TRPM2: variants seen among roughly 807,000 people sequenced by gnomAD.
The protein encoded by TRPM2 is transient receptor potential cation channel subfamily M member 2, also known as estrogen-responsive element-associated gene 1 protein.
TRPM2 carries 161 observed loss-of-function variants against 174.0 expected under a neutral mutation model. That is an observed-to-expected ratio of 0.93 (90% CI 0.81 to 1.05). The LOEUF is 1.05. Among genes scored for constraint, TRPM2 ranks in the 50% least tolerant of loss-of-function variants. The pLI, the probability that TRPM2 is intolerant of heterozygous loss-of-function variation, is 0.00. For missense variants in TRPM2, 2,057 were observed against 2,038.0 expected (o/e 1.01, Z -0.18); for synonymous variants, 954 against 861.3 (o/e 1.11, Z -1.88).
chr21:44,434,910 C>G (rs978522374), intron 27 of TRPM2, among the ~76,000 whole-genome samples: 1 of 152,140 alleles, frequency 6.6e-6, no homozygotes, highest in Admixed American at 6.5e-5. Context: ...ACCCTTCCCC[C>G]ACCAGGTGAC....
Position 44,413,930 on chromosome 21 carries a change from C to T in TRPM2, c.3002C>T (p.Thr1001Ile), listed in dbSNP as rs143286660. The T allele has an allele frequency of 1.2e-6, 2 of 1,613,878 alleles. No individual in the cohort carries two copies. Among genetic ancestry groups the T allele is most frequent in the African/African-American group, 2.7e-5 (2 of 74,944 alleles). Residue 1001 changes from threonine to isoleucine, a missense_variant, in exon 20 of 32, where the codon ACC becomes ATC. Coordinates refer to ENST00000397928, the MANE Select transcript of TRPM2 (RefSeq NM_003307.4). ...FNPEHCSPNG[T>I]DPYKPKCPES... ...CCGGAGCACTGCAGCCCCAATGGCA[C>T]CGACCCCTACAAGCCTAAGTGCCCC... is the stretch of plus-strand genomic sequence containing the variant.
intron 9 of TRPM2, among the ~76,000 whole-genome samples, chr21:44,390,681 C>T (rs543864847): frequency 2.6e-5 from 4 of 152,236 alleles, no homozygotes; most frequent in South Asian, 4.1e-4. Context: ...AGTGAGTGGA[C>T]GTGATGACCA....
At chr21:44,426,329 C>T (rs1278184301) in intron 25 of TRPM2, among the ~76,000 whole-genome samples, 1 of 152,200 alleles carries the variant, frequency 6.6e-6, no homozygotes, top group African/African-American at 2.4e-5. Flanking sequence ...TCCGCTGCCT[C>T]CCCTTGGTCT....
intron 17 of TRPM2, 64 bp downstream of exon 17, chr21:44,405,324 A>C (rs1601169765): frequency 2.6e-5 from 41 of 1,597,024 alleles, no homozygotes; most frequent in Non-Finnish European, 3.3e-5. Context: ...GGATGAGCAC[A>C]GGCCGGGCCC....
At chr21:44,400,854 T>TC (rs1466394520) in intron 15 of TRPM2, among the ~76,000 whole-genome samples, 1 of 152,166 alleles carries the variant, frequency 6.6e-6, no homozygotes, top group Non-Finnish European at 1.5e-5. Flanking sequence ...TGGCCTGGTG[T>TC]CCCCACCTGC....
At chr21:44,426,043 C>G (rs924726652) in intron 25 of TRPM2, among the ~76,000 whole-genome samples, 1 of 152,170 alleles carries the variant, frequency 6.6e-6, no homozygotes, top group African/African-American at 2.4e-5. Flanking sequence ...GGTGGAGGGG[C>G]CTGAGGGGGG....
At chr21:44,423,430 G>C (rs2050622921) in intron 22 of TRPM2, 1 of 541,138 alleles carries the variant, frequency 1.8e-6, no homozygotes, top group South Asian at 2.0e-5. Flanking sequence ...GTGAGCCTCG[G>C]CTGTCCGTCT....
At chr21:44,397,609 T>C in intron 12 of TRPM2, 138 bp from the exon 13 acceptor site, 1 of 906,080 alleles carries the variant, frequency 1.1e-6, no homozygotes. Context: ...TCTGTATAGA[T>C]GTGGTCACAC....
At position 44,369,273 on chromosome 21, in the gene TRPM2, G is replaced by A. The variant is rs73374078; in HGVS notation, c.701G>A (p.Gly234Asp). The A allele has an allele frequency of 1.9e-6, 3 of 1,613,716 alleles. No homozygotes were observed. Among genetic ancestry groups the A allele is most frequent in the Non-Finnish European group, 2.5e-6 (3 of 1,179,938 alleles). The change falls in exon 5 of 32, where the codon GGC (glycine) becomes GAC (aspartate). Residue 234 changes from glycine to aspartate, a missense_variant. Physicochemically the swap from Gly to Asp is moderately conservative, Grantham distance 94. Coordinates refer to ENST00000397928, the MANE Select transcript of TRPM2 (RefSeq NM_003307.4). ...DFSLSSSYKE[G>D]ELITIGVATW... is the part of the protein sequence containing the mutation. ...AGCCTGAGCAGCAGCTACAAGGAAG[G>A]CGAGCTCATCACCATCGGAGTCGCC... is the stretch of plus-strand genomic sequence containing the variant.
chr21:44,423,907 A>G (rs1200737466), intron 23 of TRPM2, among the ~76,000 whole-genome samples, 175 bp downstream of exon 23: 1 of 151,976 alleles, frequency 6.6e-6, no homozygotes, highest in East Asian at 1.9e-4. Flanking sequence ...CCTCCAGAAA[A>G]CCCCGCCCAA....
chr21:44,405,999 A>G lies in TRPM2; in HGVS notation c.2752A>G (p.Lys918Glu). The change falls in exon 18 of 32, where the codon AAG becomes GAG. Residue 918 changes from lysine (K) to glutamate (E), a missense_variant. Coordinates refer to ENST00000397928, the MANE Select transcript of TRPM2 (RefSeq NM_003307.4). ...GCTCATGCACATTTTTACCATCAGTAAGACGCTGGGGCCCAAGATCATCAT... is the reference window on the plus strand; with the variant it reads ...GCTCATGCACATTTTTACCATCAGTGAGACGCTGGGGCCCAAGATCATCAT... ...LRLMHIFTIS[K>E]TLGPKIIIVK... 6.2e-7 allele frequency: 1 copy of G among 1,608,600 alleles called. No individual in the cohort carries two copies. The highest frequency in any genetic ancestry group is 8.5e-7 in the Non-Finnish European group (1 of 1,179,742).
chr21:44,423,857 T>C (rs541752280), intron 23 of TRPM2, 125 bp downstream of exon 23: 1 of 826,340 alleles, frequency 1.2e-6, no homozygotes, highest in East Asian at 2.7e-5. Flanking sequence ...GCCGGAACGT[T>C]GGGGCAGCCA....
In TRPM2 at chr21:44,399,434, G is replaced by A. The variant is rs1386310443; in HGVS notation, c.2201G>A (p.Gly734Asp). ...AKDMKFVSHG[G>D]IQAFLTKVWW... ...GACATGAAGTTTGTGTCTCACGGGG[G>A]CATCCAGGTGACCTCCCAAGAGCCC... The change falls in exon 14 of 32, where the codon GGC becomes GAC. Residue 734 changes from glycine (G) to aspartate (D), a missense_variant. Gly to Asp is a moderately conservative substitution (Grantham distance 94, BLOSUM62 -1). Transcript: ENST00000397928. The surrounding 1 kb of genome is among the most constrained non-coding windows in gnomAD (Gnocchi z 4.6). The A allele has an allele frequency of 8.7e-6, 14 of 1,610,828 alleles. No individual in the cohort carries two copies. Among genetic ancestry groups the A allele is most frequent in the African/African-American group, 5.3e-5 (4 of 74,878 alleles).
At chr21:44,404,219 A>G (rs1027338352) in intron 16 of TRPM2, among the ~76,000 whole-genome samples, 14 of 152,106 alleles carry the variant, frequency 9.2e-5, no homozygotes, top group African/African-American at 3.1e-4. Context: ...AGAGACACAC[A>G]GATACACATA....
At chr21:44,422,296 G>A (rs2146364112) in intron 22 of TRPM2, 1 of 1,536,138 alleles carries the variant, frequency 6.5e-7, no homozygotes, top group East Asian at 2.4e-5. Context: ...TGGGGGTCAA[G>A]GACAAGCTCT....
Position 44,376,679 on chromosome 21 carries a change from C to T in TRPM2, c.952+666C>T, listed in dbSNP as rs1317772200. The stretch of plus-strand genomic sequence containing the variant: ...GATGGGTTTGAGGACGTCGGGAGGT[C>T]AAGTGCGGGGTTTTGCATATCACTT... On this transcript the variant is annotated intron_variant, in intron 6 of 31. Coordinates refer to ENST00000397928, the MANE Select transcript of TRPM2 (RefSeq NM_003307.4). The surrounding 1 kb of genome is among the most constrained non-coding windows in gnomAD (Gnocchi z 4.2). Among the ~76,000 whole-genome samples, 1 of 152,144 alleles carries T rather than the reference C, an allele frequency of 6.6e-6. No homozygotes were observed. Among genetic ancestry groups the T allele is most frequent in the African/African-American group, 2.4e-5 (1 of 41,444 alleles).
Position 44,399,474 on chromosome 21 carries a change from C to T in TRPM2, c.2208+33C>T, listed in dbSNP as rs373367842. ...CCCAAGAGCCCCTTCCAGAAACAGA[C>T]GCCTGTGGTGCCTGCAGGGCGGACA... On this transcript the variant is annotated intron_variant, in intron 14 of 31. Transcript: ENST00000397928. The surrounding 1 kb of genome is among the most constrained non-coding windows in gnomAD (Gnocchi z 4.6). 6.6e-5 allele frequency: 105 copies of T among 1,595,894 alleles called. 1 individual carries two copies. Among genetic ancestry groups the T allele is most frequent in the Non-Finnish European group, 7.5e-5 (88 of 1,170,726 alleles).
intron 5 of TRPM2, among the ~76,000 whole-genome samples, chr21:44,373,569 G>A (rs1311820007): frequency 9.6e-6 from 1 of 104,268 alleles, no homozygotes; most frequent in Non-Finnish European, 2.2e-5. Flanking sequence ...CATTATATGC[G>A]ACCTGCATTA....
intron 12 of TRPM2, among the ~76,000 whole-genome samples, chr21:44,395,771 G>C: frequency 1.9e-4 from 1 of 5,134 alleles, no homozygotes; most frequent in Non-Finnish European, 5.3e-4. Context: ...GGTGTGGAGG[G>C]CTGTGGAGGA....
Sources: gnomAD v4.1 joint callset for allele counts (sites outside exome capture counted in the v4.1 genomes callset) on GRCh38, gnomAD v4.1.1 for gene constraint, Gnocchi (gnomAD v3.1) non-coding constraint, MANE v1.5 for transcripts, NCBI Gene and HGNC (gene_info 2026-07-23, HGNC 2026-07-21) for gene names.